RIT2: variants seen among roughly 807,000 people sequenced by gnomAD.
The protein encoded by RIT2 is GTP-binding protein Rit2.
Under a neutral mutation model 23.7 loss-of-function variants are expected in RIT2, and 24 were observed. That is an observed-to-expected ratio of 1.01 (90% CI 0.73 to 1.43). RIT2 has a LOEUF of 1.43. RIT2 is among the 40% of genes most tolerant of loss of function. The pLI is 0.00. For synonymous variants in RIT2, 107 were observed against 91.1 expected (o/e 1.17, Z -0.99); for missense variants, 236 against 266.9 (o/e 0.88, Z 0.81).
At chr18:42,821,782 G>C (rs1266344521) in intron 4 of RIT2, among the ~76,000 whole-genome samples, 1 of 152,138 alleles carries the variant, frequency 6.6e-6, no homozygotes, top group Admixed American at 6.5e-5. Flanking sequence ...CAGATTATCT[G>C]CATAGCACTG....
At chr18:42,996,900 T>C (rs1264259099) in intron 2 of RIT2, among the ~76,000 whole-genome samples, 1 of 152,172 alleles carries the variant, frequency 6.6e-6, no homozygotes, top group Non-Finnish European at 1.5e-5. Context: ...CTATGAAAAC[T>C]GTTTTTCCTA....
intron 2 of RIT2, among the ~76,000 whole-genome samples, chr18:43,001,523 A>G (rs892411868): frequency 2.0e-5 from 3 of 152,028 alleles, no homozygotes; most frequent in Admixed American, 2.0e-4. Flanking sequence ...CAGTTCAAAC[A>G]TAAGATGGGT....
At chr18:43,093,569 T>G (rs1382425610) in intron 1 of RIT2, among the ~76,000 whole-genome samples, 1 of 152,064 alleles carries the variant, frequency 6.6e-6, no homozygotes, top group South Asian at 2.1e-4. Context: ...TTTAAGTATA[T>G]GATAAGGGAA....
rs1033809143 is a variant in RIT2 at position 42,832,445 on chromosome 18, A to G, written c.427-88725T>C. ...TTTTTCTTCTTAGATTATTTCACAC[A>G]AAACCTGATTTCCAAGCAATTCCCA... On this transcript the variant is annotated intron_variant, in intron 4 of 4. Transcript: ENST00000326695. 2.0e-5 allele frequency among the ~76,000 whole-genome samples: 3 copies of G among 152,330 alleles called. No homozygotes were observed. In the East Asian group the frequency reaches 5.8e-4, roughly 29 times the overall value.
chr18:42,823,933 A>G (rs1906224270), intron 4 of RIT2, among the ~76,000 whole-genome samples: 1 of 152,066 alleles, frequency 6.6e-6, no homozygotes, highest in East Asian at 1.9e-4. Flanking sequence ...GTTCAACCTT[A>G]CTATTATCAG....
chr18:43,110,264 A>G (rs1287695937), intron 1 of RIT2, among the ~76,000 whole-genome samples: 1 of 152,052 alleles, frequency 6.6e-6, no homozygotes, highest in Middle Eastern at 3.2e-3. Context: ...CCCACTATGT[A>G]CCCATAAAAA....
At chr18:42,956,750 A>C (rs1909979234) in intron 3 of RIT2, among the ~76,000 whole-genome samples, 1 of 152,150 alleles carries the variant, frequency 6.6e-6, no homozygotes. Flanking sequence ...TTACATCCAA[A>C]AAAACTCAGA....
At chr18:42,966,376 A>G (rs576057338) in intron 3 of RIT2, among the ~76,000 whole-genome samples, 1 of 152,200 alleles carries the variant, frequency 6.6e-6, no homozygotes, top group Non-Finnish European at 1.5e-5. Flanking sequence ...ATTTCTATTA[A>G]AAGTATACTT....
chr18:43,013,271 G>C (rs764827375), intron 2 of RIT2, among the ~76,000 whole-genome samples: 4 of 151,774 alleles, frequency 2.6e-5, no homozygotes, highest in African/African-American at 9.6e-5. Context: ...TAACCACAAT[G>C]GTTTATTTTT....
chr18:42,882,787 G>A (rs1053888134), intron 4 of RIT2, among the ~76,000 whole-genome samples: 1 of 152,158 alleles, frequency 6.6e-6, no homozygotes, highest in Non-Finnish European at 1.5e-5. Context: ...CTATTTGGAT[G>A]ATTTCCTCTG....
At chr18:43,085,933 T>A (rs1315580265) in intron 1 of RIT2, among the ~76,000 whole-genome samples, 2 of 152,152 alleles carry the variant, frequency 1.3e-5, no homozygotes, top group Non-Finnish European at 2.9e-5. Flanking sequence ...CCTGCCACCA[T>A]GTAAGACATA....
At chr18:43,095,699 C>T (rs1302924477) in intron 1 of RIT2, among the ~76,000 whole-genome samples, 1 of 151,928 alleles carries the variant, frequency 6.6e-6, no homozygotes, top group East Asian at 1.9e-4. Flanking sequence ...ACTTACTTAT[C>T]TGCAGTATAA....
At chr18:42,910,742 A>T (rs966132780) in intron 4 of RIT2, among the ~76,000 whole-genome samples, 1 of 152,142 alleles carries the variant, frequency 6.6e-6, no homozygotes, top group African/African-American at 2.4e-5. Context: ...TCCCCTTTCC[A>T]GTGGATTAAT....
chr18:42,918,292 T>A (rs1215591890), intron 4 of RIT2, among the ~76,000 whole-genome samples: 2 of 152,156 alleles, frequency 1.3e-5, no homozygotes, highest in Non-Finnish European at 2.9e-5. Flanking sequence ...AACCATCCAG[T>A]TTGGATAAAT....
At chr18:42,883,534 T>A (rs887599697) in intron 4 of RIT2, among the ~76,000 whole-genome samples, 15 of 152,182 alleles carry the variant, frequency 9.9e-5, no homozygotes, top group Non-Finnish European at 4.4e-5. Flanking sequence ...CTTCAGGTTT[T>A]TCAGATTTCC....
At chr18:42,966,130 A>G (rs1910218445) in intron 3 of RIT2, among the ~76,000 whole-genome samples, 1 of 152,070 alleles carries the variant, frequency 6.6e-6, no homozygotes, top group Non-Finnish European at 1.5e-5. Context: ...AATTATGGAA[A>G]TTTTCATGGA....
chr18:43,016,933 C>G (rs1026935887), intron 2 of RIT2, among the ~76,000 whole-genome samples: 3 of 151,886 alleles, frequency 2.0e-5, no homozygotes, highest in African/African-American at 7.2e-5. Flanking sequence ...AAGCTTTAAG[C>G]AGAATCTGCC....
intron 1 of RIT2, among the ~76,000 whole-genome samples, chr18:43,080,393 G>A (rs927592323): frequency 1.6e-4 from 24 of 152,162 alleles, no homozygotes; most frequent in Admixed American, 1.0e-3. Flanking sequence ...ACACCTTGCT[G>A]TCTCCTATTT....
At chr18:42,810,171 ATTAT>A (rs1003098548) in intron 4 of RIT2, among the ~76,000 whole-genome samples, 1 of 150,886 alleles carries the variant, frequency 6.6e-6, no homozygotes, top group African/African-American at 2.4e-5. Context: ...AAAGAAAGAG[ATTAT>A]TTAAGAATTG....
Sources: gnomAD v4.1 joint callset for allele counts (sites outside exome capture counted in the v4.1 genomes callset) on GRCh38, gnomAD v4.1.1 for gene constraint, MANE v1.5 for transcripts, NCBI Gene and HGNC (gene_info 2026-07-23, HGNC 2026-07-21) for gene names.